SFXN2: variants seen among roughly 807,000 people sequenced by gnomAD.
SFXN2 encodes sideroflexin 2.
A neutral mutation model predicts 41.9 loss-of-function variants in SFXN2; 37 were observed. The observed-to-expected ratio is 0.88, with a 90% CI of 0.68 to 1.16. The LOEUF (loss-of-function observed/expected upper bound fraction) is 1.16, where lower values mean the gene tolerates loss of function less well. Ranked by LOEUF, SFXN2 falls within the 50% of genes most tolerant of loss-of-function variation. The probability of loss-of-function intolerance (pLI) is 0.00; values close to 1 mark genes in which losing one functional copy is unlikely to be tolerated. For missense variants in SFXN2, 386 were observed against 425.2 expected, an observed-to-expected ratio of 0.91 and a Z score of 0.81; for synonymous variants, 150 against 156.7, an observed-to-expected ratio of 0.96 and a Z score of 0.32.
intron 7 of SFXN2, 44 bp downstream of exon 7, chr10:102,731,827 C>T (rs879878548): frequency 1.3e-6 from 2 of 1,563,210 alleles, no homozygotes; most frequent in Non-Finnish European, 1.8e-6. Context: ...GGAATTCCCT[C>T]TCATACCCTG....
At position 102,737,652 on chromosome 10, in the gene SFXN2, T is replaced by G. The variant is rs766948865; in HGVS notation, c.870-11T>G. 129 of 1,590,784 alleles carry G rather than the reference T, an allele frequency of 8.1e-5. No individual in the cohort carries two copies. Among genetic ancestry groups the G allele is most frequent in the Non-Finnish European group, 1.1e-4 (127 of 1,159,270 alleles). On this transcript the variant is annotated splice_polypyrimidine_tract_variant and intron_variant, in intron 11 of 11. Coordinates refer to ENST00000369893, the MANE Select transcript of SFXN2 (RefSeq NM_178858.6). ...TGGTGGCATGCTCATAATCCACTTC[T>G]CTCTTTTCAGTGAATTGCCAGTTTC... is the stretch of plus-strand genomic sequence containing the variant.
At position 102,729,408 on chromosome 10, in the gene SFXN2, C is replaced by T. The variant is rs751309413; in HGVS notation, c.507+14C>T. ...ATGTTGACAAAGGTATGGTCTGGGG[C>T]CGCTGCAGCATGGTGGCCACGCGGG... On this transcript the variant is annotated intron_variant, in intron 5 of 11. Transcript: ENST00000369893. 6.2e-7 allele frequency: 1 copy of T among 1,613,762 alleles called. No homozygotes were observed. Among genetic ancestry groups the T allele is most frequent in the East Asian group, 2.2e-5 (1 of 44,882 alleles).
At chr10:102,737,110 C>A (rs1367381939) in intron 11 of SFXN2, among the ~76,000 whole-genome samples, 1 of 152,036 alleles carries the variant, frequency 6.6e-6, no homozygotes, top group Non-Finnish European at 1.5e-5. Flanking sequence ...GCCGAGATTG[C>A]ACCACTGCAC....
intron 1 of SFXN2, among the ~76,000 whole-genome samples, chr10:102,724,422 G>A (rs140049490): frequency 2.5e-4 from 38 of 152,202 alleles, no homozygotes; most frequent in African/African-American, 7.7e-4. Context: ...AAGAGTTTCC[G>A]GCTGGACGTG....
chr10:102,728,658 G>C, intron 4 of SFXN2, 129 bp downstream of exon 4: 1 of 740,216 alleles, frequency 1.4e-6, no homozygotes, highest in Non-Finnish European at 2.3e-6. Context: ...CTTTCCCAGG[G>C]TTTGGAAATA....
intron 1 of SFXN2, among the ~76,000 whole-genome samples, chr10:102,721,184 TC>T (rs2136030904): frequency 6.6e-6 from 1 of 152,234 alleles, no homozygotes; most frequent in East Asian, 1.9e-4. Flanking sequence ...TTGTGATAAA[TC>T]AATTTCTATA....
At chr10:102,718,690 C>T (rs1252797047) in intron 1 of SFXN2, among the ~76,000 whole-genome samples, 1 of 152,166 alleles carries the variant, frequency 6.6e-6, no homozygotes, top group Admixed American at 6.5e-5. Context: ...TAGGAAATGG[C>T]GTACCTCCAG....
At chr10:102,731,459 A>G (rs947883701) in intron 6 of SFXN2, among the ~76,000 whole-genome samples, 1 of 152,130 alleles carries the variant, frequency 6.6e-6, no homozygotes, top group Non-Finnish European at 1.5e-5. Flanking sequence ...AGGGTTAAAG[A>G]CTGTGCTCAA....
At chr10:102,714,733 A>G (rs1326215373) in intron 1 of SFXN2, 52 bp downstream of exon 1, 1 of 164,408 alleles carries the variant, frequency 6.1e-6, no homozygotes, top group Non-Finnish European at 1.3e-5. Flanking sequence ...CAATCCCCAC[A>G]TCTCGGGTGG....
chr10:102,726,819 T>G, intron 2 of SFXN2, 22 bp downstream of exon 2: 1 of 1,613,478 alleles, frequency 6.2e-7, no homozygotes, highest in Non-Finnish European at 8.5e-7. Context: ...GGGAAGGGGC[T>G]GGAAGTAGTA....
At chr10:102,725,852 T>A (rs2136041052) in intron 1 of SFXN2, among the ~76,000 whole-genome samples, 1 of 151,978 alleles carries the variant, frequency 6.6e-6, no homozygotes, top group South Asian at 2.1e-4. Context: ...CCAGCCTGGG[T>A]GAGAGAATGA....
At chr10:102,735,692 A>G (rs1229607024) in intron 10 of SFXN2, among the ~76,000 whole-genome samples, 170 bp from the exon 11 acceptor site, 1 of 152,182 alleles carries the variant, frequency 6.6e-6, no homozygotes, top group East Asian at 1.9e-4. Flanking sequence ...CCCTGCCAGA[A>G]TGAGTATCCT....
chr10:102,725,650 T>C (rs1046590448), intron 1 of SFXN2, among the ~76,000 whole-genome samples: 1 of 152,106 alleles, frequency 6.6e-6, no homozygotes, highest in Non-Finnish European at 1.5e-5. Context: ...CCCAGCACTT[T>C]GGGAGGCCGA....
At chr10:102,735,841 T>G (rs552627932) in intron 10 of SFXN2, 21 bp from the exon 11 acceptor site, 13 of 1,613,828 alleles carry the variant, frequency 8.1e-6, no homozygotes, top group East Asian at 6.7e-5. Context: ...CCCTGATGCT[T>G]TGGTTTCTCC....
At position 102,737,971 on chromosome 10, in the gene SFXN2, A is replaced by G. The variant is rs764212264; in HGVS notation, c.*209A>G. 69 of 365,400 alleles carry G rather than the reference A, an allele frequency of 1.9e-4. No homozygotes were observed. Among genetic ancestry groups the G allele is most frequent in the Non-Finnish European group, 3.0e-4 (59 of 198,302 alleles). 22.6% of individuals were successfully genotyped at this position (365,400 alleles called of 1,614,324 possible). On this transcript the variant is annotated 3_prime_UTR_variant, in exon 12 of 12. Coordinates refer to ENST00000369893, the MANE Select transcript of SFXN2 (RefSeq NM_178858.6). ...AAAGTGAAAAAGGGTAGCAAAGGCC[A>G]ATGTCTTCTAGCTGCTTCCTCAACC...
intron 1 of SFXN2, among the ~76,000 whole-genome samples, chr10:102,723,663 A>C (rs1487766427): frequency 6.6e-6 from 1 of 152,216 alleles, no homozygotes; most frequent in Non-Finnish European, 1.5e-5. Flanking sequence ...GATGGTATGC[A>C]TCCCCAAATA....
chr10:102,729,433 G>A, intron 5 of SFXN2, 39 bp downstream of exon 5: 1 of 1,607,502 alleles, frequency 6.2e-7, no homozygotes, highest in Non-Finnish European at 8.5e-7. Context: ...GGCCACGCGG[G>A]GGCAGCAGAG....
chr10:102,726,590 A>G (rs376789657), intron 1 of SFXN2, 22 bp from the exon 2 acceptor site: 5 of 1,608,628 alleles, frequency 3.1e-6, no homozygotes, highest in Admixed American at 3.3e-5. Context: ...GGGGACAGTC[A>G]TCTTCTTCCT....
chr10:102,722,362 G>A (rs977987587), intron 1 of SFXN2, among the ~76,000 whole-genome samples: 6 of 152,110 alleles, frequency 3.9e-5, no homozygotes, highest in African/African-American at 1.4e-4. Flanking sequence ...CCTTAGAATG[G>A]AGTCCTCCCA....
Sources: allele counts gnomAD v4.1 joint callset (sites outside exome capture counted in the v4.1 genomes callset), GRCh38; gene constraint gnomAD v4.1.1; transcripts MANE v1.5; gene names NCBI Gene and HGNC (gene_info 2026-07-23, HGNC 2026-07-21).